Variants in GNA12 observed in about 807,000 individuals in gnomAD.
GNA12 encodes G protein subunit alpha 12.
A neutral mutation model predicts 26.0 loss-of-function variants in GNA12; 9 were observed. That is an observed-to-expected ratio of 0.35 (90% confidence interval 0.21 to 0.60). The LOEUF (loss-of-function observed/expected upper bound fraction) is 0.60, where lower values mean the gene tolerates loss of function less well. GNA12 is among the 20% of genes least tolerant of loss of function. The pLI, the probability that GNA12 is intolerant of heterozygous loss-of-function variation, is 0.78. For synonymous variants in GNA12, 264 were observed against 219.6 expected (o/e 1.20, Z -1.79); for missense variants, 405 against 525.8 (o/e 0.77, Z 2.25).
In GNA12 at chr7:2,733,494, G is replaced by A. The variant is rs777097834; in HGVS notation, c.533C>T (p.Ser178Leu). Residue 178 changes from serine to leucine, a missense_variant, in exon 3 of 4, where the codon TCG becomes TTG. By Grantham distance (145) the Ser-to-Leu change is moderately radical. Coordinates refer to ENST00000275364, the MANE Select transcript of GNA12 (RefSeq NM_007353.3). ...CAAGTTGTCCAGGAAGTACTTCACC[G>A]ACTCCCCCTGTCAGGAAGGAAGAAT... is the stretch of plus-strand genomic sequence containing the variant. ...SRRSEFQLGE[S>L]VKYFLDNLDR... 1.2e-6 allele frequency: 2 copies of A among 1,613,204 alleles called. No individual in the cohort carries two copies. Among genetic ancestry groups the A allele is most frequent in the Non-Finnish European group, 1.7e-6 (2 of 1,179,292 alleles).
chr7:2,753,945 G>A (rs560946620), intron 2 of GNA12, among the ~76,000 whole-genome samples: 2 of 152,314 alleles, frequency 1.3e-5, no homozygotes, highest in South Asian at 4.2e-4. Context: ...CACGAGCTCT[G>A]TAGGTCCGGC....
intron 1 of GNA12, among the ~76,000 whole-genome samples, chr7:2,800,872 A>G (rs1328683485): frequency 6.6e-6 from 1 of 152,066 alleles, no homozygotes; most frequent in Non-Finnish European, 1.5e-5. Context: ...TCATCTCCCC[A>G]CTTCCTTTGA....
At chr7:2,763,149 A>G in intron 2 of GNA12, 1 of 1,201,908 alleles carries the variant, frequency 8.3e-7, no homozygotes, top group African/African-American at 1.6e-5. Context: ...TTTCTCGAAT[A>G]TTCTGCTGAC....
chr7:2,780,867 A>G (rs951514931), intron 2 of GNA12, among the ~76,000 whole-genome samples: 1 of 152,256 alleles, frequency 6.6e-6, no homozygotes, highest in African/African-American at 2.4e-5. Flanking sequence ...TTTCATACCT[A>G]GGATTGGGAT....
intron 2 of GNA12, among the ~76,000 whole-genome samples, chr7:2,769,261 A>G (rs1036498862): frequency 6.6e-6 from 1 of 152,114 alleles, no homozygotes; most frequent in Admixed American, 6.6e-5. Flanking sequence ...CTGGTATTCT[A>G]CTTAAACAGC....
intron 2 of GNA12, among the ~76,000 whole-genome samples, chr7:2,769,865 A>C (rs945438006): frequency 2.0e-5 from 3 of 152,236 alleles, no homozygotes; most frequent in African/African-American, 7.2e-5. Flanking sequence ...AACACACTGG[A>C]TATTATCAAT....
intron 2 of GNA12, among the ~76,000 whole-genome samples, chr7:2,789,133 T>TA (rs1562429268): frequency 3.1e-5 from 2 of 63,546 alleles, no homozygotes; most frequent in African/African-American, 5.5e-5. Context: ...TTCAGGCATC[T>TA]TTTTTTTTTT....
intron 2 of GNA12, among the ~76,000 whole-genome samples, chr7:2,774,498 A>G (rs1001524514): frequency 2.0e-5 from 3 of 152,270 alleles, no homozygotes; most frequent in South Asian, 2.1e-4. Flanking sequence ...GGAGGCCCTG[A>G]GTGTGCAGGG....
At chr7:2,787,779 G>A (rs1414950601) in intron 2 of GNA12, among the ~76,000 whole-genome samples, 2 of 152,252 alleles carry the variant, frequency 1.3e-5, no homozygotes, top group East Asian at 1.9e-4. Flanking sequence ...CAGTCCCACG[G>A]CTATGCTAAA....
chr7:2,817,294 C>T (rs1479462262), intron 1 of GNA12, among the ~76,000 whole-genome samples: 4 of 152,160 alleles, frequency 2.6e-5, no homozygotes, highest in African/African-American at 9.7e-5. Context: ...TTAGTAGAAA[C>T]GGGGTTTCAC....
intron 1 of GNA12, among the ~76,000 whole-genome samples, chr7:2,801,130 T>C (rs1792799227): frequency 6.6e-6 from 1 of 152,108 alleles, no homozygotes; most frequent in South Asian, 2.1e-4. Context: ...GTGGCTTGGA[T>C]GGGGTTTCAG....
intron 2 of GNA12, among the ~76,000 whole-genome samples, chr7:2,761,996 A>G (rs1405917961): frequency 6.6e-6 from 1 of 152,160 alleles, no homozygotes; most frequent in Non-Finnish European, 1.5e-5. Flanking sequence ...AACCTCACCG[A>G]GGCCTCCCAG....
intron 1 of GNA12, among the ~76,000 whole-genome samples, chr7:2,832,133 G>A (rs1284372129): frequency 1.3e-5 from 2 of 152,192 alleles, no homozygotes; most frequent in African/African-American, 2.4e-5. Flanking sequence ...GACTAGTCCA[G>A]GTGGATGTGT....
intron 1 of GNA12, among the ~76,000 whole-genome samples, chr7:2,840,930 G>C (rs1025713561): frequency 1.3e-5 from 2 of 152,210 alleles, no homozygotes; most frequent in African/African-American, 4.8e-5. Context: ...GGTGGGGGCT[G>C]AAGAGGAGGA....
chr7:2,742,537 T>C (rs1583221485), intron 2 of GNA12, among the ~76,000 whole-genome samples: 1 of 152,216 alleles, frequency 6.6e-6, no homozygotes, highest in East Asian at 1.9e-4. Flanking sequence ...CCAGGGGCTG[T>C]AATTCATCTC....
At chr7:2,741,418 G>A (rs1016412918) in intron 2 of GNA12, among the ~76,000 whole-genome samples, 6 of 152,158 alleles carry the variant, frequency 3.9e-5, no homozygotes, top group Non-Finnish European at 8.8e-5. Flanking sequence ...CCAGTTTCCA[G>A]AGGCTTCCAC....
At chr7:2,791,264 T>A (rs1792511030) in intron 2 of GNA12, among the ~76,000 whole-genome samples, 2 of 152,246 alleles carry the variant, frequency 1.3e-5, no homozygotes, top group South Asian at 4.1e-4. Flanking sequence ...GAGATCATCT[T>A]CCTTTTAACT....
chr7:2,778,499 A>T (rs1338716369), intron 2 of GNA12, among the ~76,000 whole-genome samples: 1 of 152,226 alleles, frequency 6.6e-6, no homozygotes, highest in Non-Finnish European at 1.5e-5. Context: ...ACTTACATAG[A>T]GCTGGAGGCT....
chr7:2,750,157 G>A (rs1170315568), intron 2 of GNA12, among the ~76,000 whole-genome samples: 1 of 152,194 alleles, frequency 6.6e-6, no homozygotes, highest in Non-Finnish European at 1.5e-5. Flanking sequence ...GGTCTGACAT[G>A]TAAAGGGCCT....
Sources: allele counts gnomAD v4.1 joint callset (sites outside exome capture counted in the v4.1 genomes callset), GRCh38; gene constraint gnomAD v4.1.1; transcripts MANE v1.5; gene names NCBI Gene and HGNC (gene_info 2026-07-23, HGNC 2026-07-21).